Variants in EDRF1 observed in about 807,000 individuals in gnomAD.
The protein encoded by EDRF1 is erythroid differentiation regulatory factor 1, also known as erythroid differentiation-related factor 1.
EDRF1 carries 69 observed loss-of-function variants against 148.7 expected under a neutral mutation model. The observed-to-expected ratio is 0.46, with a 90% CI of 0.38 to 0.57. The LOEUF is 0.57. Among genes scored for constraint, EDRF1 ranks in the 20% least tolerant of loss-of-function variants. The pLI is 0.00. For missense variants in EDRF1, 1,118 were observed against 1,478.7 expected (o/e 0.76, Z 4.00); for synonymous variants, 515 against 532.8 (o/e 0.97, Z 0.46).
chr10:125,725,129 G>A lies in EDRF1; in HGVS notation c.511-189G>A, dbSNP rs191896461. On this transcript the variant is annotated intron_variant, in intron 4 of 24. Transcript: ENST00000356792. ...CAGCCTGGCTTAGGAGGAGGAAGAC[G>A]GGTTTCCTTTAGGAAACAAAAAACA... is the stretch of plus-strand genomic sequence containing the variant. Among the ~76,000 whole-genome samples, 593 of 152,186 alleles carry A rather than the reference G, an allele frequency of 3.9e-3. 1 individual carries two copies. The highest frequency in any genetic ancestry group is 6.9e-3 in the Non-Finnish European group (470 of 68,006).
chr10:125,726,701 G>T (rs1416430161), intron 6 of EDRF1, among the ~76,000 whole-genome samples: 1 of 152,168 alleles, frequency 6.6e-6, no homozygotes, highest in African/African-American at 2.4e-5. Flanking sequence ...GTTTAAGATA[G>T]AGAAAGCATC....
At chr10:125,738,020 G>A (rs771841608) in intron 14 of EDRF1, 31 bp downstream of exon 14, 1 of 1,588,020 alleles carries the variant, frequency 6.3e-7, no homozygotes, top group Admixed American at 1.7e-5. Flanking sequence ...CACTTTTTTC[G>A]TAAAGTTTGT....
At chr10:125,737,518 C>G (rs1352720935) in intron 13 of EDRF1, among the ~76,000 whole-genome samples, 1 of 152,208 alleles carries the variant, frequency 6.6e-6, no homozygotes, top group Non-Finnish European at 1.5e-5. Flanking sequence ...ACAGAAGCCC[C>G]TACACATAAT....
intron 4 of EDRF1, among the ~76,000 whole-genome samples, 161 bp from the exon 5 acceptor site, chr10:125,725,153 CAAAA>C (rs1353045568): frequency 6.6e-6 from 1 of 152,106 alleles, no homozygotes; most frequent in Non-Finnish European, 1.5e-5. Flanking sequence ...AAACAAAAAA[CAAAA>C]GAAAGGTGGT....
intron 6 of EDRF1, among the ~76,000 whole-genome samples, chr10:125,726,076 TATA>T (rs1159336618): frequency 2.0e-5 from 3 of 152,284 alleles, no homozygotes; most frequent in African/African-American, 4.8e-5. Context: ...TAAATCGAAA[TATA>T]ATAGTTGACT....
chr10:125,757,301 A>C (rs1554877089), intron 24 of EDRF1, among the ~76,000 whole-genome samples: 2 of 152,184 alleles, frequency 1.3e-5, no homozygotes, highest in Non-Finnish European at 2.9e-5. Flanking sequence ...TACATCGTTA[A>C]TCTTTCATGA....
chr10:125,755,918 GT>G (rs1204327891), intron 24 of EDRF1, among the ~76,000 whole-genome samples: 2 of 151,634 alleles, frequency 1.3e-5, no homozygotes, highest in African/African-American at 4.9e-5. Context: ...TTGATTGACT[GT>G]TTCTTCCCCT....
intron 12 of EDRF1, 66 bp from the exon 13 acceptor site, chr10:125,735,578 A>T: frequency 6.5e-7 from 1 of 1,529,872 alleles, no homozygotes; most frequent in Non-Finnish European, 9.0e-7. Flanking sequence ...ATTCGTTAGT[A>T]TGGTAGTAAA....
Position 125,725,726 on chromosome 10 carries a change from A to G in EDRF1, c.680A>G (p.Glu227Gly). The G allele has an allele frequency of 3.7e-6, 6 of 1,614,174 alleles. No individual in the cohort carries two copies. The highest frequency in any genetic ancestry group is 5.1e-6 in the Non-Finnish European group (6 of 1,180,032). Reference sequence around the variant, plus strand: ...GCTCAGCCTGTCTCATCCACCGCAGAACAGCAGGAATCGTCCAGTTCAGAT... The same window carrying G: ...GCTCAGCCTGTCTCATCCACCGCAGGACAGCAGGAATCGTCCAGTTCAGAT... ...GAAQPVSSTA[E>G]QQESSSSDQT... Residue 227 changes from glutamate (E) to glycine (G), a missense_variant, in exon 6 of 25, where the codon GAA becomes GGA. Physicochemically the swap from Glu to Gly is moderately conservative, Grantham distance 98. Coordinates refer to ENST00000356792, the MANE Select transcript of EDRF1 (RefSeq NM_001202438.2).
intron 19 of EDRF1, 134 bp from the exon 20 acceptor site, chr10:125,747,402 A>T: frequency 6.8e-6 from 7 of 1,023,072 alleles, no homozygotes; most frequent in Admixed American, 6.0e-5. Flanking sequence ...TCATTTCCTC[A>T]TAATATTGTC....
In EDRF1 at chr10:125,723,898, G is replaced by T; in HGVS notation, c.472G>T (p.Glu158Ter). The T allele has an allele frequency of 6.2e-7, 1 of 1,613,628 alleles. No individual in the cohort carries two copies. Among genetic ancestry groups the T allele is most frequent in the South Asian group, 1.1e-5 (1 of 91,050 alleles). ...CATAGGAAGGACTCTCTTACTAGAT[G>T]AGCTAGATATTCAAGAACTCTTTAT... ...HRIGRTLLLDELDIQELFMRS... is the reference protein window; with the variant it reads ...HRIGRTLLLD The change falls in exon 4 of 25, where the codon GAG becomes TAG. Residue 158 changes from glutamate to a stop codon, truncating the protein, a stop_gained. Coordinates refer to ENST00000356792, the MANE Select transcript of EDRF1 (RefSeq NM_001202438.2). LOFTEE classifies it high-confidence loss of function.
chr10:125,720,974 T>A (rs1847968049), intron 1 of EDRF1, among the ~76,000 whole-genome samples: 1 of 152,212 alleles, frequency 6.6e-6, no homozygotes, highest in South Asian at 2.1e-4. Context: ...ATTTTCTAGC[T>A]GATAACCATA....
Position 125,719,905 on chromosome 10 carries a change from C to A in EDRF1, c.98C>A (p.Ser33Tyr). The A allele has an allele frequency of 6.2e-7, 1 of 1,613,148 alleles. No homozygotes were observed. Among genetic ancestry groups the A allele is most frequent in the Non-Finnish European group, 8.5e-7 (1 of 1,179,822 alleles). The change falls in exon 1 of 25, where the codon TCT becomes TAT. Residue 33 changes from serine to tyrosine, a missense_variant. By Grantham distance (144) the Ser-to-Tyr change is moderately radical (BLOSUM62 -2). This residue lies in a region of EDRF1 where 65 missense variants were observed against 50.3 expected (regional missense o/e 1.29). Transcript: ENST00000356792. ...SLLSQGESEESSAQGSALFLG... is the reference protein window; with the variant it reads ...SLLSQGESEEYSAQGSALFLG... ...CTGTCCCAGGGAGAATCCGAGGAAT[C>A]TTCTGCACAGGTGAGTCCTCCGCGG... is the stretch of plus-strand genomic sequence containing the variant.
In EDRF1 at chr10:125,719,858, C is replaced by T. The variant is rs1193225281; in HGVS notation, c.51C>T (p.Ala17=). 1 of 1,612,822 alleles carries T rather than the reference C, an allele frequency of 6.2e-7. No individual in the cohort carries two copies. Among genetic ancestry groups the T allele is most frequent in the Non-Finnish European group, 8.5e-7 (1 of 1,179,740 alleles). The change falls in exon 1 of 25, where the codon GCC becomes GCT. Residue 17 remains alanine, a synonymous_variant. Coordinates refer to ENST00000356792, the MANE Select transcript of EDRF1 (RefSeq NM_001202438.2). The stretch of plus-strand genomic sequence containing the variant: ...CCGAGGGTCCGCCGGCCGGGGCCGC[C>T]GCTCGAGGAGGGCTCAGCCTCCTGT... ...AGAEGPPAGA[A]ARGGLSLLSQ...
chr10:125,734,753 C>G (rs1432575750), intron 12 of EDRF1, among the ~76,000 whole-genome samples: 1 of 152,148 alleles, frequency 6.6e-6, no homozygotes, highest in African/African-American at 2.4e-5. Context: ...AATATTCCCT[C>G]AGTCATGCTC....
At chr10:125,723,199 C>A in intron 3 of EDRF1, 65 bp downstream of exon 3, 1 of 1,358,072 alleles carries the variant, frequency 7.4e-7, no homozygotes, top group Non-Finnish European at 1.1e-6. Flanking sequence ...TTATATCATG[C>A]TGTGTTTTGC....
intron 13 of EDRF1, 149 bp downstream of exon 13, chr10:125,736,053 G>T: frequency 2.3e-6 from 2 of 866,196 alleles, no homozygotes; most frequent in Non-Finnish European, 1.8e-6. Flanking sequence ...TCTTAAAGTT[G>T]GTTTTATAAT....
chr10:125,727,259 G>A (rs1848302231), intron 6 of EDRF1, among the ~76,000 whole-genome samples: 2 of 152,144 alleles, frequency 1.3e-5, no homozygotes, highest in South Asian at 4.1e-4. Flanking sequence ...TAGTAGTGGT[G>A]TATCCCTAGG....
rs1848405043 is a variant in EDRF1 at position 125,729,499 on chromosome 10, C to T, written c.1016+20C>T. ...TCTCAGGTGAACTAACATCATACCC[C>T]TCCTCAAGCTTATGGTATTTAAATT... On this transcript the variant is annotated intron_variant, in intron 8 of 24. Coordinates refer to ENST00000356792, the MANE Select transcript of EDRF1 (RefSeq NM_001202438.2). 2 of 1,614,006 alleles carry T rather than the reference C, an allele frequency of 1.2e-6. No individual in the cohort carries two copies. Among genetic ancestry groups the T allele is most frequent in the Non-Finnish European group, 8.5e-7 (1 of 1,179,848 alleles).
Sources: gnomAD v4.1 joint callset for allele counts (sites outside exome capture counted in the v4.1 genomes callset) on GRCh38, gnomAD v4.1.1 for gene constraint, gnomAD v4.1.1 regional missense constraint, MANE v1.5 for transcripts, NCBI Gene and HGNC (gene_info 2026-07-23, HGNC 2026-07-21) for gene names.